DLGAP1: variants seen among roughly 807,000 people sequenced by gnomAD.
The protein encoded by DLGAP1 is DLG associated protein 1.
In DLGAP1, 11 loss-of-function variants were observed where a neutral mutation model predicts 90.8. The ratio of observed to expected loss-of-function variants is 0.12; its 90% confidence interval spans 0.08 to 0.20. The LOEUF is 0.20. Among genes scored for constraint, DLGAP1 ranks in the 10% least tolerant of loss-of-function variants. The pLI, the probability that DLGAP1 is intolerant of heterozygous loss-of-function variation, is 1.00. For missense variants in DLGAP1, 1,050 were observed against 1,333.8 expected (o/e 0.79, Z 3.31); for synonymous variants, 558 against 540.7 (o/e 1.03, Z -0.44).
chr18:3,797,948 A>G (rs1403324326), intron 5 of DLGAP1, among the ~76,000 whole-genome samples: 2 of 152,132 alleles, frequency 1.3e-5, no homozygotes, highest in African/African-American at 2.4e-5. Flanking sequence ...AAGTCTCAAG[A>G]GATCTGATGG....
intron 2 of DLGAP1, among the ~76,000 whole-genome samples, chr18:4,105,888 C>T (rs901731321): frequency 7.9e-5 from 12 of 151,818 alleles, no homozygotes; most frequent in South Asian, 4.2e-4. Flanking sequence ...AAAAATTAGC[C>T]GGGCGTGGTG....
At chr18:4,011,944 A>G (rs1263228897) in intron 2 of DLGAP1, among the ~76,000 whole-genome samples, 1 of 152,186 alleles carries the variant, frequency 6.6e-6, no homozygotes, top group African/African-American at 2.4e-5. Flanking sequence ...TGCATCCCCA[A>G]ATGTGATGAG....
intron 3 of DLGAP1, chr18:3,995,818 T>C (rs2074058662): frequency 6.6e-6 from 1 of 152,104 alleles, no homozygotes; most frequent in African/African-American, 2.4e-5. Context: ...CTGTAAATTA[T>C]TTAGATATTT....
At chr18:4,197,060 C>G (rs1163995150) in intron 1 of DLGAP1, among the ~76,000 whole-genome samples, 1 of 151,474 alleles carries the variant, frequency 6.6e-6, no homozygotes, top group South Asian at 2.1e-4. Context: ...GTAATTCCAG[C>G]TACTTGGGAG....
At chr18:3,837,783 C>T (rs534861626) in intron 4 of DLGAP1, among the ~76,000 whole-genome samples, 21 of 128,488 alleles carry the variant, frequency 1.6e-4, no homozygotes, top group African/African-American at 5.3e-4. Context: ...ACCTGGGAGA[C>T]GGAGGTTGCA....
chr18:3,856,122 G>A (rs2069628229), intron 4 of DLGAP1, among the ~76,000 whole-genome samples: 1 of 152,110 alleles, frequency 6.6e-6, no homozygotes, highest in Non-Finnish European at 1.5e-5. Flanking sequence ...TGTTGGCCTG[G>A]CTCATCTACT....
intron 2 of DLGAP1, among the ~76,000 whole-genome samples, chr18:4,073,302 T>C (rs1206963488): frequency 2.0e-5 from 3 of 152,134 alleles, no homozygotes; most frequent in Non-Finnish European, 4.4e-5. Flanking sequence ...TCATGCAAAA[T>C]AGACTCTAAG....
intron 3 of DLGAP1, among the ~76,000 whole-genome samples, chr18:3,898,078 G>A (rs566765150): frequency 3.3e-4 from 50 of 152,232 alleles, no homozygotes; most frequent in Non-Finnish European, 6.5e-4. Context: ...ACAGGCGTGA[G>A]CCACTGCGCC....
At position 3,519,807 on chromosome 18, in the gene DLGAP1, C is replaced by T. The variant is rs146189987; in HGVS notation, c.2480-11146G>A. 4.8e-3 allele frequency among the ~76,000 whole-genome samples: 731 copies of T among 152,256 alleles called. 7 individuals are homozygous for T. Among genetic ancestry groups the T allele is most frequent in the African/African-American group, 0.015 (640 of 41,528 alleles). ...TCTTGGAAGCAGAGAGCAGCCCTCA[C>T]CAGACACACAACCTGCTGGCACCTT... On this transcript the variant is annotated intron_variant, in intron 10 of 12. Transcript: ENST00000315677.
At chr18:4,000,610 C>T (rs1037499714) in intron 3 of DLGAP1, among the ~76,000 whole-genome samples, 2 of 152,212 alleles carry the variant, frequency 1.3e-5, no homozygotes, top group African/African-American at 4.8e-5. Context: ...CTCATAGGAA[C>T]ATTACTCCCT....
chr18:4,179,817 C>T (rs2077176393), intron 1 of DLGAP1, among the ~76,000 whole-genome samples: 1 of 152,182 alleles, frequency 6.6e-6, no homozygotes, highest in Non-Finnish European at 1.5e-5. Context: ...CCTCACTCAA[C>T]ACTTATCGAG....
intron 6 of DLGAP1, among the ~76,000 whole-genome samples, chr18:3,740,965 C>CCAT (rs2062888852): frequency 7.0e-6 from 1 of 143,070 alleles, no homozygotes; most frequent in Admixed American, 7.0e-5. Flanking sequence ...ACCACCACCA[C>CCAT]CACCATCACA....
intron 1 of DLGAP1, among the ~76,000 whole-genome samples, chr18:4,181,137 G>T (rs1253152082): frequency 6.6e-6 from 1 of 152,138 alleles, no homozygotes; most frequent in African/African-American, 2.4e-5. Flanking sequence ...TTATAAAATA[G>T]AGTCCTTTGA....
chr18:4,179,759 G>T (rs983656802), intron 1 of DLGAP1, among the ~76,000 whole-genome samples: 5 of 152,130 alleles, frequency 3.3e-5, no homozygotes, highest in Non-Finnish European at 5.9e-5. Flanking sequence ...TTAAGTACAT[G>T]AATCCTAGAA....
intron 3 of DLGAP1, among the ~76,000 whole-genome samples, chr18:3,895,056 C>A (rs1384063191): frequency 6.6e-6 from 1 of 152,104 alleles, no homozygotes; most frequent in African/African-American, 2.4e-5. Flanking sequence ...GTGGTAAATT[C>A]CTCTCAGGTG....
At chr18:4,002,861 T>A (rs1013738623) in intron 3 of DLGAP1, among the ~76,000 whole-genome samples, 1 of 152,106 alleles carries the variant, frequency 6.6e-6, no homozygotes, top group Non-Finnish European at 1.5e-5. Flanking sequence ...GATCTATTGA[T>A]GTCTTTCTAC....
At position 3,551,033 on chromosome 18, in the gene DLGAP1, G is replaced by A. The variant is rs1200730696; in HGVS notation, c.2058-16418C>T. Among the ~76,000 whole-genome samples the A allele has an allele frequency of 2.0e-5, 3 of 151,908 alleles. No homozygotes were observed. The East Asian group carries it at 5.8e-4, about 30-fold the overall frequency. On this transcript the variant is annotated intron_variant, in intron 9 of 12. Transcript: ENST00000315677. ...TGGGATTACAGGCGTGAGCCACCAC[G>A]TCCAGCCCACCAGAACCAGACTTAT...
intron 3 of DLGAP1, among the ~76,000 whole-genome samples, chr18:3,990,041 T>C (rs1052792002): frequency 6.6e-6 from 1 of 152,134 alleles, no homozygotes; most frequent in African/African-American, 2.4e-5. Flanking sequence ...GGTGGGACTG[T>C]AAACTAGTTC....
At chr18:4,006,426 G>T (rs1458668970) in intron 2 of DLGAP1, among the ~76,000 whole-genome samples, 1 of 152,036 alleles carries the variant, frequency 6.6e-6, no homozygotes, top group East Asian at 1.9e-4. Flanking sequence ...TCTTTTCCTT[G>T]TCCCCAAGAA....
Sources: gnomAD v4.1 joint callset for allele counts (sites outside exome capture counted in the v4.1 genomes callset) on GRCh38, gnomAD v4.1.1 for gene constraint, MANE v1.5 for transcripts, NCBI Gene and HGNC (gene_info 2026-07-23, HGNC 2026-07-21) for gene names.